RSU1: variants seen among roughly 807,000 people sequenced by gnomAD.
The protein encoded by RSU1 is rsu-1.
RSU1 carries 26 observed loss-of-function variants against 31.1 expected under a neutral mutation model. That is an observed-to-expected ratio of 0.84 (90% CI 0.61 to 1.16). The LOEUF (loss-of-function observed/expected upper bound fraction) is 1.16. Among genes scored for constraint, RSU1 ranks in the 50% most tolerant of loss-of-function variants. The pLI is 0.00. For missense variants in RSU1, 320 were observed against 339.1 expected (o/e 0.94, Z 0.44); for synonymous variants, 164 against 136.3 (o/e 1.20, Z -1.41).
intron 8 of RSU1, among the ~76,000 whole-genome samples, chr10:16,666,632 C>G (rs1007615367): frequency 3.9e-5 from 6 of 151,976 alleles, no homozygotes; most frequent in Non-Finnish European, 7.4e-5. Context: ...CAAGGATAGA[C>G]CTAACTGCCC....
At chr10:16,650,125 G>C (rs570145943) in intron 8 of RSU1, among the ~76,000 whole-genome samples, 2 of 152,026 alleles carry the variant, frequency 1.3e-5, no homozygotes, top group South Asian at 4.2e-4. Flanking sequence ...ATGGAATCAC[G>C]CTAACAGAAA....
At chr10:16,595,470 C>A (rs528758078) in intron 8 of RSU1, among the ~76,000 whole-genome samples, 1 of 152,184 alleles carries the variant, frequency 6.6e-6, no homozygotes, top group African/African-American at 2.4e-5. Flanking sequence ...ACCTACGAGC[C>A]GGAGCGTGCA....
At chr10:16,760,335 C>T (rs146899503) in intron 4 of RSU1, among the ~76,000 whole-genome samples, 246 of 152,048 alleles carry the variant, frequency 1.6e-3, no homozygotes, top group African/African-American at 5.4e-3. Context: ...CATGGTGAAA[C>T]GCCATCTCTA....
At chr10:16,596,634 T>A (rs1833619223) in intron 8 of RSU1, among the ~76,000 whole-genome samples, 1 of 152,244 alleles carries the variant, frequency 6.6e-6, no homozygotes, top group Non-Finnish European at 1.5e-5. Context: ...CTCAGAGATC[T>A]TTCCTCTGTT....
At position 16,714,856 on chromosome 10, in the gene RSU1, C is replaced by T. The variant is rs577788700; in HGVS notation, c.599-19701G>A. 5.9e-5 allele frequency among the ~76,000 whole-genome samples: 9 copies of T among 152,258 alleles called. No individual in the cohort carries two copies. The South Asian group carries it at 1.9e-3, about 32-fold the overall frequency. On this transcript the variant is annotated intron_variant, in intron 7 of 8. Transcript: ENST00000345264. ...TTAGGTTGCGGGTCCTCAATGTGGA[C>T]ACTGAGGCATTGCATCTGTGTGAGC...
At chr10:16,715,990 A>G (rs1361986553) in intron 7 of RSU1, among the ~76,000 whole-genome samples, 1 of 152,242 alleles carries the variant, frequency 6.6e-6, no homozygotes, top group Non-Finnish European at 1.5e-5. Context: ...AAAACAAAGT[A>G]GAAAAATTTT....
chr10:16,800,446 C>T (rs375656589), intron 2 of RSU1, among the ~76,000 whole-genome samples: 27 of 152,282 alleles, frequency 1.8e-4, no homozygotes, highest in East Asian at 7.7e-4. Context: ...AAATAAAGAG[C>T]GCCTCTGACT....
rs56675037 is a variant in RSU1, at chr10:16,661,287, CGTGTGTGTGTGTGT to C, written c.731+33722_731+33735del. ...GTGTATGTGTGATATGTAGAGAGTG[CGTGTGTGTGTGTGT>C]GTGTGTGTGTGTGTGTGTGTGTGTG... On this transcript the variant is annotated intron_variant, in intron 8 of 8. Transcript: ENST00000345264. Among the ~76,000 whole-genome samples the C allele has an allele frequency of 5.0e-3, 663 of 132,914 alleles. 2 individuals carry two copies. Among genetic ancestry groups the C allele is most frequent in the African/African-American group, 7.5e-3 (255 of 34,000 alleles). The allele number at this position is 132,914 out of a possible 152,430, so 87.2% of individuals were successfully genotyped here.
In RSU1 at chr10:16,656,369, G is replaced by T. The variant is rs538347846; in HGVS notation, c.731+38654C>A. ...TGGCTGCCTAGGATTCAATCATATT[G>T]TTGCATTGTTATTTACTTAATCAAT... On this transcript the variant is annotated intron_variant, in intron 8 of 8. Transcript: ENST00000345264. Among the ~76,000 whole-genome samples, 9 of 152,194 alleles carry T rather than the reference G, an allele frequency of 5.9e-5. No individual in the cohort carries two copies. In the South Asian group the frequency reaches 1.9e-3, roughly 32 times the overall value.
intron 7 of RSU1, among the ~76,000 whole-genome samples, chr10:16,744,683 T>A (rs1040869877): frequency 1.4e-4 from 22 of 152,128 alleles, no homozygotes; most frequent in African/African-American, 5.1e-4. Flanking sequence ...CAATCAGAGC[T>A]TTTTACACAG....
chr10:16,615,222 G>C (rs971943134), intron 8 of RSU1, among the ~76,000 whole-genome samples: 2 of 151,872 alleles, frequency 1.3e-5, no homozygotes, highest in African/African-American at 2.4e-5. Flanking sequence ...AAAAAAAGCA[G>C]GGGTTGCAAT....
At chr10:16,649,957 C>T (rs1281832186) in intron 8 of RSU1, among the ~76,000 whole-genome samples, 3 of 152,208 alleles carry the variant, frequency 2.0e-5, no homozygotes, top group African/African-American at 7.2e-5. Flanking sequence ...CCATCTAAAA[C>T]TCTTCAAATT....
rs556763193 is a variant in RSU1, at chr10:16,764,572, C to T, written c.161-62G>A. On this transcript the variant is annotated intron_variant, in intron 3 of 8. Coordinates refer to ENST00000345264, the MANE Select transcript of RSU1 (RefSeq NM_012425.4). ...TGGAACTCCTAGCAAGGGATGGCAG[C>T]GGCACATTTTGTTTTTCTTTCAAAG... 30 of 1,514,746 alleles carry T rather than the reference C, an allele frequency of 2.0e-5. No individual in the cohort carries two copies. In the East Asian group the frequency reaches 2.9e-4, roughly 14 times the overall value. 93.8% of individuals were successfully genotyped at this position (1,514,746 alleles called of 1,614,324 possible).
At chr10:16,775,007 G>C (rs1837498168) in intron 3 of RSU1, among the ~76,000 whole-genome samples, 1 of 152,032 alleles carries the variant, frequency 6.6e-6, no homozygotes, top group Non-Finnish European at 1.5e-5. Context: ...TTGTGCCACT[G>C]TACTCCAACC....
chr10:16,761,045 G>C (rs1455810219), intron 4 of RSU1, among the ~76,000 whole-genome samples: 1 of 152,116 alleles, frequency 6.6e-6, no homozygotes, highest in African/African-American at 2.4e-5. Flanking sequence ...GGGTTCAAAC[G>C]ATTCTCCTGC....
intron 8 of RSU1, among the ~76,000 whole-genome samples, chr10:16,678,059 T>C (rs1835265860): frequency 6.6e-6 from 1 of 152,184 alleles, no homozygotes; most frequent in Non-Finnish European, 1.5e-5. Flanking sequence ...TAAGACACAA[T>C]CAATTCTTTC....
chr10:16,730,926 C>T (rs962133354), intron 7 of RSU1, among the ~76,000 whole-genome samples: 4 of 151,882 alleles, frequency 2.6e-5, no homozygotes, highest in East Asian at 1.9e-4. Flanking sequence ...TGGGTTCAAG[C>T]GATTCTTGTG....
chr10:16,775,671 A>G (rs543108624), intron 3 of RSU1, among the ~76,000 whole-genome samples: 1 of 152,250 alleles, frequency 6.6e-6, no homozygotes, highest in South Asian at 2.1e-4. Context: ...GTGCTCACTC[A>G]CTACAGCCAA....
chr10:16,787,625 G>T (rs931972432), intron 2 of RSU1, among the ~76,000 whole-genome samples: 1 of 152,118 alleles, frequency 6.6e-6, no homozygotes, highest in Non-Finnish European at 1.5e-5. Context: ...CATACTGTTC[G>T]TGTGACAGTA....
Sources: gnomAD v4.1 joint callset for allele counts (sites outside exome capture counted in the v4.1 genomes callset) on GRCh38, gnomAD v4.1.1 for gene constraint, MANE v1.5 for transcripts, NCBI Gene and HGNC (gene_info 2026-07-23, HGNC 2026-07-21) for gene names.